PCDH15: variants seen among roughly 807,000 people sequenced by gnomAD.
PCDH15 encodes protocadherin related 15.
In PCDH15, 129 loss-of-function variants were observed where a neutral mutation model predicts 178.5. That is an observed-to-expected ratio of 0.72 (90% CI 0.63 to 0.84). The LOEUF is 0.84. Among genes scored for constraint, PCDH15 ranks in the 40% least tolerant of loss-of-function variants. PCDH15 has a pLI of 0.00. For synonymous variants in PCDH15, 800 were observed against 732.0 expected (o/e 1.09, Z -1.50); for missense variants, 2,230 against 2,099.9 (o/e 1.06, Z -1.21).
At chr10:54,821,330 G>A (rs747793008) in intron 3 of PCDH15, among the ~76,000 whole-genome samples, 6 of 151,896 alleles carry the variant, frequency 4.0e-5, no homozygotes, top group Non-Finnish European at 8.8e-5. Context: ...ACCCAACTAT[G>A]TACATTAGAA....
intron 17 of PCDH15, among the ~76,000 whole-genome samples, chr10:54,067,964 T>C (rs1471721676): frequency 7.0e-6 from 1 of 143,142 alleles, no homozygotes; most frequent in African/African-American, 2.6e-5. Flanking sequence ...TGATTTTTTT[T>C]ATTTTTTATT....
At chr10:54,802,940 C>G (rs1321646708), upstream of PCDH15, among the ~76,000 whole-genome samples, 4 of 152,128 alleles carry the variant, frequency 2.6e-5, no homozygotes, top group South Asian at 4.1e-4. Flanking sequence ...TCAATGACAA[C>G]AGCTGATTTT....
intron 2 of PCDH15, among the ~76,000 whole-genome samples, chr10:54,621,834 G>C (rs1184821751): frequency 6.6e-6 from 1 of 151,978 alleles, no homozygotes; most frequent in African/African-American, 2.4e-5. Flanking sequence ...ATATTCTTCA[G>C]GAAAGAAAAT....
intron 2 of PCDH15, among the ~76,000 whole-genome samples, chr10:54,978,026 A>T (rs1839120597): frequency 6.6e-6 from 1 of 152,166 alleles, no homozygotes; most frequent in Admixed American, 6.6e-5. Flanking sequence ...GTCTTAGCCT[A>T]GTTCTTAATA....
chr10:55,491,915 G>A (rs1328901996), intron 2 of PCDH15, among the ~76,000 whole-genome samples: 2 of 151,324 alleles, frequency 1.3e-5, no homozygotes, highest in South Asian at 4.2e-4. Context: ...CCTACTCAAG[G>A]GCAATCAGAA....
At chr10:55,546,773 G>A (rs1841890595) in intron 2 of PCDH15, among the ~76,000 whole-genome samples, 1 of 152,028 alleles carries the variant, frequency 6.6e-6, no homozygotes, top group Non-Finnish European at 1.5e-5. Flanking sequence ...TCTTGTTCTC[G>A]AAATAGTACT....
At chr10:54,586,812 A>G (rs1443173606) in intron 2 of PCDH15, among the ~76,000 whole-genome samples, 1 of 152,112 alleles carries the variant, frequency 6.6e-6, no homozygotes. Context: ...CATAGTTTGT[A>G]AAAGAGTTGA....
chr10:55,220,777 A>G (rs1369041579), intron 1 of PCDH15, among the ~76,000 whole-genome samples: 2 of 152,078 alleles, frequency 1.3e-5, no homozygotes, highest in Non-Finnish European at 2.9e-5. Flanking sequence ...ATTTTTTCCT[A>G]TGGATATAAA....
intron 3 of PCDH15, among the ~76,000 whole-genome samples, chr10:54,431,402 T>C (rs896802013): frequency 3.3e-5 from 5 of 152,140 alleles, no homozygotes; most frequent in Admixed American, 2.0e-4. Context: ...AAAAAGATTA[T>C]TGAATATGAC....
At chr10:54,573,784 GA>G (rs2090127623) in intron 2 of PCDH15, among the ~76,000 whole-genome samples, 1 of 152,092 alleles carries the variant, frequency 6.6e-6, no homozygotes, top group South Asian at 2.1e-4. Flanking sequence ...ATTAAAGGAG[GA>G]AAACAGCGTC....
intron 10 of PCDH15, among the ~76,000 whole-genome samples, chr10:54,210,485 A>G (rs2051307835): frequency 6.6e-6 from 1 of 152,106 alleles, no homozygotes; most frequent in Admixed American, 6.6e-5. Context: ...TACATTCAAT[A>G]GAGTAATTGG....
chr10:55,309,316 T>C (rs941469391), intron 1 of PCDH15, among the ~76,000 whole-genome samples: 1 of 152,076 alleles, frequency 6.6e-6, no homozygotes, highest in Non-Finnish European at 1.5e-5. Flanking sequence ...AGGAGTTCAA[T>C]ACCAGCCTGG....
chr10:54,649,961 T>C (rs1590824787), intron 2 of PCDH15, among the ~76,000 whole-genome samples: 1 of 152,154 alleles, frequency 6.6e-6, no homozygotes, highest in East Asian at 1.9e-4. Context: ...TCAATGCTTA[T>C]TTATTTCATT....
intron 2 of PCDH15, among the ~76,000 whole-genome samples, chr10:55,076,303 C>T (rs142089547): frequency 5.0e-4 from 76 of 152,138 alleles, no homozygotes; most frequent in African/African-American, 1.6e-3. Context: ...ATTTCCTAGA[C>T]GATCTGTCTA....
In PCDH15 at chr10:54,456,086, G is replaced by A. The variant is rs144800397; in HGVS notation, c.157+71726C>T. 1.8e-3 allele frequency among the ~76,000 whole-genome samples: 272 copies of A among 152,254 alleles called. 2 individuals are homozygous for A. Among genetic ancestry groups the A allele is most frequent in the African/African-American group, 6.4e-3 (265 of 41,558 alleles). ...CATGGAGAGCCTCTCCTGGGGAAAT[G>A]TGGAAAGGAAATGTGGGGTTGGAGC... On this transcript the variant is annotated intron_variant, in intron 3 of 37. Transcript: ENST00000644397.
chr10:54,123,917 A>G (rs1480067982), intron 15 of PCDH15, among the ~76,000 whole-genome samples: 1 of 152,192 alleles, frequency 6.6e-6, no homozygotes, highest in Non-Finnish European at 1.5e-5. Flanking sequence ...AACAAATATT[A>G]CATATTCTCA....
At chr10:55,474,343 A>C (rs548931979) in intron 2 of PCDH15, among the ~76,000 whole-genome samples, 1 of 152,214 alleles carries the variant, frequency 6.6e-6, no homozygotes, top group African/African-American at 2.4e-5. Flanking sequence ...TAACAAAAAA[A>C]CTTCATAAAT....
At chr10:54,739,263 T>C (rs1944483895) in intron 1 of PCDH15, among the ~76,000 whole-genome samples, 1 of 151,850 alleles carries the variant, frequency 6.6e-6, no homozygotes, top group African/African-American at 2.4e-5. Flanking sequence ...AACATTTCTA[T>C]ATTCCAGCAG....
At chr10:54,982,210 A>G (rs563838336) in intron 2 of PCDH15, among the ~76,000 whole-genome samples, 1 of 152,306 alleles carries the variant, frequency 6.6e-6, no homozygotes, top group South Asian at 2.1e-4. Flanking sequence ...AATCTTGAAC[A>G]TTATTGAACT....
Sources: gnomAD v4.1 joint callset for allele counts (sites outside exome capture counted in the v4.1 genomes callset) on GRCh38, gnomAD v4.1.1 for gene constraint, MANE v1.5 for transcripts, NCBI Gene and HGNC (gene_info 2026-07-23, HGNC 2026-07-21) for gene names.